The following PPP1R16B variants were observed in gnomAD, a reference collection of about 807,000 sequenced individuals.
The protein encoded by PPP1R16B is protein phosphatase 1 regulatory subunit 16B.
In PPP1R16B, 14 loss-of-function variants were observed where a neutral mutation model predicts 61.7. The ratio of observed to expected loss-of-function variants is 0.23; its 90% CI spans 0.15 to 0.35. The LOEUF (loss-of-function observed/expected upper bound fraction) is 0.35. Ranked by LOEUF, PPP1R16B falls within the 10% of genes least tolerant of loss-of-function variation. The pLI, the probability that PPP1R16B is intolerant of heterozygous loss-of-function variation, is 1.00. For synonymous variants in PPP1R16B, 266 were observed against 305.3 expected, an observed-to-expected ratio of 0.87 and a Z score of 1.34; for missense variants, 547 against 752.5, an observed-to-expected ratio of 0.73 and a Z score of 3.19.
intron 1 of PPP1R16B, among the ~76,000 whole-genome samples, chr20:38,826,013 G>A (rs1480840155): frequency 1.3e-5 from 2 of 152,228 alleles, no homozygotes; most frequent in Non-Finnish European, 2.9e-5. Context: ...GGTGGCACAA[G>A]AGAGGAAAGT....
In PPP1R16B at chr20:38,891,310, G is replaced by A. The variant is rs192772206; in HGVS notation, c.321+1645G>A. ...CCTCAGTTTCCTCATCTCTAAAAGA[G>A]GAATAACAAGTACCCATCTCATTGG... On this transcript the variant is annotated intron_variant, in intron 3 of 10. Coordinates refer to ENST00000299824, the MANE Select transcript of PPP1R16B (RefSeq NM_015568.4). Among the ~76,000 whole-genome samples, 382 of 152,210 alleles carry A rather than the reference G, an allele frequency of 2.5e-3. 4 individuals carry two copies. The highest frequency in any genetic ancestry group is 3.1e-3 in the Non-Finnish European group (210 of 68,014).
At chr20:38,829,875 G>A (rs963420138) in intron 1 of PPP1R16B, among the ~76,000 whole-genome samples, 27 of 152,254 alleles carry the variant, frequency 1.8e-4, no homozygotes, top group African/African-American at 6.5e-4. Flanking sequence ...TCAAGAGGGA[G>A]CTGTCCTCGA....
intron 2 of PPP1R16B, among the ~76,000 whole-genome samples, chr20:38,853,165 C>T (rs2084981117): frequency 6.6e-6 from 1 of 152,170 alleles, no homozygotes; most frequent in African/African-American, 2.4e-5. Flanking sequence ...TCAGGCCTTT[C>T]TCTCAACAAT....
chr20:38,903,533 C>T (rs2085413274), intron 6 of PPP1R16B, among the ~76,000 whole-genome samples: 1 of 77,372 alleles, frequency 1.3e-5, no homozygotes, highest in Admixed American at 1.4e-4. Flanking sequence ...GTCCATCCAA[C>T]CATCCATCCA....
chr20:38,888,123 C>T (rs1467379739), intron 2 of PPP1R16B, among the ~76,000 whole-genome samples: 5 of 152,260 alleles, frequency 3.3e-5, no homozygotes, highest in Non-Finnish European at 7.3e-5. Flanking sequence ...AGGAAACCAC[C>T]TCAGCCCTGC....
At chr20:38,882,243 C>A (rs1170000871) in intron 2 of PPP1R16B, among the ~76,000 whole-genome samples, 1 of 152,074 alleles carries the variant, frequency 6.6e-6, no homozygotes, top group Non-Finnish European at 1.5e-5. Context: ...CTGTATCCAG[C>A]CTGCAGAGGG....
At chr20:38,874,473 C>T (rs1231970041) in intron 2 of PPP1R16B, among the ~76,000 whole-genome samples, 1 of 152,204 alleles carries the variant, frequency 6.6e-6, no homozygotes, top group Non-Finnish European at 1.5e-5. Flanking sequence ...GGAGATGACA[C>T]ATCTGAGATC....
chr20:38,908,878 C>T (rs536744774), intron 10 of PPP1R16B, among the ~76,000 whole-genome samples: 150 of 152,338 alleles, frequency 9.8e-4, no homozygotes, highest in African/African-American at 3.4e-3. Flanking sequence ...TGTTCCACGC[C>T]TCTGCGAGCT....
intron 1 of PPP1R16B, among the ~76,000 whole-genome samples, chr20:38,808,445 G>C (rs2145699736): frequency 6.6e-6 from 1 of 152,136 alleles, no homozygotes; most frequent in African/African-American, 2.4e-5. Context: ...GGTCCCAACT[G>C]GCACTCTTCC....
chr20:38,888,806 T>C (rs775395892), intron 2 of PPP1R16B, among the ~76,000 whole-genome samples: 40 of 150,864 alleles, frequency 2.7e-4, no homozygotes, highest in Admixed American at 1.2e-3. Context: ...AGGGGGCTTA[T>C]CCTAAGCAAG....
Position 38,916,608 on chromosome 20 carries a change from A to G in PPP1R16B, c.1195-1549A>G, listed in dbSNP as rs772483320. The stretch of plus-strand genomic sequence containing the variant: ...GCACTAATGAGAGAGAAAATCTGTG[A>G]AATGGGCTTGCTGGTGCAAAGTATA... On this transcript the variant is annotated intron_variant, in intron 10 of 10. Transcript: ENST00000299824. 3.8e-4 allele frequency among the ~76,000 whole-genome samples: 57 copies of G among 151,936 alleles called. 1 individual carries two copies. Among genetic ancestry groups the G allele is most frequent in the Admixed American group, 1.9e-3 (29 of 15,242 alleles).
chr20:38,890,225 C>G (rs2075114739), intron 3 of PPP1R16B, among the ~76,000 whole-genome samples: 1 of 152,238 alleles, frequency 6.6e-6, no homozygotes, highest in South Asian at 2.1e-4. Context: ...CAGTCTGGCT[C>G]TGCCATAATT....
intron 2 of PPP1R16B, among the ~76,000 whole-genome samples, chr20:38,851,190 C>A (rs1395144193): frequency 2.0e-5 from 3 of 151,406 alleles, no homozygotes; most frequent in Non-Finnish European, 4.4e-5. Flanking sequence ...GCTGGCTGGG[C>A]ATAGTGGCTC....
chr20:38,852,296 A>G (rs1420908889), intron 2 of PPP1R16B, among the ~76,000 whole-genome samples: 1 of 152,254 alleles, frequency 6.6e-6, no homozygotes, highest in East Asian at 1.9e-4. Flanking sequence ...CGTCCCAGCC[A>G]GGTCTGCCTA....
At chr20:38,903,575 G>A (rs62201389) in intron 6 of PPP1R16B, among the ~76,000 whole-genome samples, 957 of 82,512 alleles carry the variant, frequency 0.012, 7 homozygotes, top group African/African-American at 0.031. Context: ...CCGTCCGTCC[G>A]TCCGTCCATC....
intron 1 of PPP1R16B, among the ~76,000 whole-genome samples, chr20:38,808,619 AC>A (rs10718885): frequency 0.66 from 99,694 of 151,978 alleles, 32,900 homozygotes; most frequent in African/African-American, 0.7. Flanking sequence ...AAGCTCTGTG[AC>A]CCTGTATACA....
chr20:38,828,705 A>T (rs935658779), intron 1 of PPP1R16B, among the ~76,000 whole-genome samples: 14 of 152,178 alleles, frequency 9.2e-5, no homozygotes, highest in Non-Finnish European at 1.9e-4. Flanking sequence ...CCAACTCAGG[A>T]CACGTGCCTA....
At chr20:38,865,143 G>A (rs369086564) in intron 2 of PPP1R16B, among the ~76,000 whole-genome samples, 111 of 152,266 alleles carry the variant, frequency 7.3e-4, no homozygotes, top group African/African-American at 2.4e-3. Context: ...TGATCCTGGG[G>A]CCCCGGTTGA....
intron 1 of PPP1R16B, among the ~76,000 whole-genome samples, chr20:38,810,338 G>A (rs137930818): frequency 2.6e-5 from 4 of 152,344 alleles, no homozygotes; most frequent in South Asian, 2.1e-4. Flanking sequence ...CGGGAGCCCC[G>A]AAGGATTAAA....
Sources: allele counts gnomAD v4.1 joint callset (sites outside exome capture counted in the v4.1 genomes callset), GRCh38; gene constraint gnomAD v4.1.1; transcripts MANE v1.5; gene names NCBI Gene and HGNC (gene_info 2026-07-23, HGNC 2026-07-21).